The following ADIPOR2 variants were observed in gnomAD, a reference collection of about 807,000 sequenced individuals.
ADIPOR2 encodes adiponectin receptor 2.
ADIPOR2 carries 18 observed loss-of-function variants against 40.9 expected under a neutral mutation model. The observed-to-expected ratio is 0.44, with a 90% CI of 0.30 to 0.65. The LOEUF (loss-of-function observed/expected upper bound fraction) is 0.65. Ranked by LOEUF, ADIPOR2 falls within the 30% of genes least tolerant of loss-of-function variation. The pLI, the probability that ADIPOR2 is intolerant of heterozygous loss-of-function variation, is 0.09. For synonymous variants in ADIPOR2, 165 were observed against 166.4 expected (o/e 0.99, Z 0.06); for missense variants, 283 against 479.2 (o/e 0.59, Z 3.82).
chr12:1,781,681 G>A (rs1012592252), intron 6 of ADIPOR2, among the ~76,000 whole-genome samples: 3 of 152,134 alleles, frequency 2.0e-5, no homozygotes, highest in South Asian at 2.1e-4. Context: ...CATGGAATTA[G>A]CAGAGATGTT....
chr12:1,725,878 A>G (rs996433189), intron 1 of ADIPOR2, among the ~76,000 whole-genome samples: 1 of 152,172 alleles, frequency 6.6e-6, no homozygotes, highest in Non-Finnish European at 1.5e-5. Flanking sequence ...AGAGAATGTG[A>G]TGTTTATTCA....
In ADIPOR2 at chr12:1,716,630, C is replaced by T. The variant is rs529133500; in HGVS notation, c.-87+25439C>T. Among the ~76,000 whole-genome samples the T allele has an allele frequency of 4.6e-5, 7 of 152,324 alleles. No homozygotes were observed. The South Asian group carries it at 6.2e-4, about 14-fold the overall frequency. ...TTGAAACTTTTTTCTTCACACTTCA[C>T]GCTTTCAGCACTTATGTGTGATGCA... On this transcript the variant is annotated intron_variant, in intron 1 of 7. Coordinates refer to ENST00000357103, the MANE Select transcript of ADIPOR2 (RefSeq NM_024551.3).
intron 1 of ADIPOR2, among the ~76,000 whole-genome samples, chr12:1,723,200 A>G (rs926602440): frequency 2.0e-5 from 3 of 152,210 alleles, no homozygotes; most frequent in Admixed American, 6.5e-5. Context: ...AAAGCTATCT[A>G]TGGCATATGA....
chr12:1,702,160 C>T (rs976423530), intron 1 of ADIPOR2, among the ~76,000 whole-genome samples: 5 of 151,994 alleles, frequency 3.3e-5, no homozygotes, highest in African/African-American at 1.2e-4. Context: ...CCACATGTCG[C>T]GACTCCCTAA....
chr12:1,736,708 G>A (rs2094731530), intron 1 of ADIPOR2, among the ~76,000 whole-genome samples: 1 of 152,120 alleles, frequency 6.6e-6, no homozygotes, highest in Non-Finnish European at 1.5e-5. Flanking sequence ...TGATGTTAGG[G>A]TGTCGATTTT....
intron 1 of ADIPOR2, among the ~76,000 whole-genome samples, chr12:1,752,230 CTTTTTTT>C (rs67598229): frequency 1.2e-4 from 9 of 74,864 alleles, no homozygotes; most frequent in African/African-American, 1.7e-4. Flanking sequence ...CTCCTGGCCT[CTTTTTTT>C]TTTTTTTTTT....
intron 1 of ADIPOR2, among the ~76,000 whole-genome samples, chr12:1,735,857 T>C (rs1225204536): frequency 6.6e-6 from 1 of 152,226 alleles, no homozygotes; most frequent in Admixed American, 6.5e-5. Context: ...GATAATCATA[T>C]GGTTTTTGTT....
At chr12:1,755,692 A>C (rs748233806) in intron 2 of ADIPOR2, among the ~76,000 whole-genome samples, 1 of 152,212 alleles carries the variant, frequency 6.6e-6, no homozygotes, top group Non-Finnish European at 1.5e-5. Flanking sequence ...ACATTTTGCT[A>C]TGTGCTTTGG....
chr12:1,783,875 C>T lies in ADIPOR2; in HGVS notation c.839-5C>T, dbSNP rs956076382. On this transcript the variant is annotated splice_region_variant and splice_polypyrimidine_tract_variant and intron_variant, in intron 6 of 7. Transcript: ENST00000357103. ...ATTACTTTACTCTCTTCTTGTGACT[C>T]CTAGGAGTGTTTTTGGGCCTAGGCC... 3 of 1,593,400 alleles carry T rather than the reference C, an allele frequency of 1.9e-6. No homozygotes were observed. In the African/African-American group the frequency reaches 4.0e-5, roughly 21 times the overall value.
At chr12:1,722,741 T>G (rs1565637665) in intron 1 of ADIPOR2, among the ~76,000 whole-genome samples, 1 of 152,198 alleles carries the variant, frequency 6.6e-6, no homozygotes, top group Non-Finnish European at 1.5e-5. Flanking sequence ...TTCTAAAGTT[T>G]AAGATATTTT....
At chr12:1,746,027 A>G (rs1301033897) in intron 1 of ADIPOR2, among the ~76,000 whole-genome samples, 1 of 152,162 alleles carries the variant, frequency 6.6e-6, no homozygotes, top group Non-Finnish European at 1.5e-5. Context: ...TCACTTACCC[A>G]GTTTCCTTCC....
intron 1 of ADIPOR2, among the ~76,000 whole-genome samples, chr12:1,719,186 A>G (rs144506429): frequency 2.5e-4 from 38 of 152,194 alleles, no homozygotes; most frequent in Non-Finnish European, 4.7e-4. Context: ...CTACTCAAAA[A>G]GGTTCTGAGT....
intron 1 of ADIPOR2, among the ~76,000 whole-genome samples, chr12:1,744,884 G>A (rs1485051554): frequency 6.6e-6 from 1 of 152,144 alleles, no homozygotes; most frequent in Non-Finnish European, 1.5e-5. Flanking sequence ...AAGCAATAAT[G>A]CTAGCCATTT....
intron 1 of ADIPOR2, among the ~76,000 whole-genome samples, chr12:1,730,258 A>G (rs1352918633): frequency 1.3e-5 from 2 of 151,798 alleles, no homozygotes; most frequent in African/African-American, 4.8e-5. Context: ...TTAGGGGGAA[A>G]AGTTGTGATT....
At chr12:1,768,711 G>A (rs1862434723) in intron 2 of ADIPOR2, among the ~76,000 whole-genome samples, 1 of 152,086 alleles carries the variant, frequency 6.6e-6, no homozygotes, top group Non-Finnish European at 1.5e-5. Flanking sequence ...AGTGTACTCT[G>A]GAAAATTCTC....
chr12:1,727,838 G>A (rs1466006289), intron 1 of ADIPOR2, among the ~76,000 whole-genome samples: 6 of 150,798 alleles, frequency 4.0e-5, no homozygotes, highest in African/African-American at 7.3e-5. Context: ...GCAGATGCCC[G>A]TGCACACAGG....
chr12:1,743,238 A>AAAAAAAC (rs1555169145), intron 1 of ADIPOR2, among the ~76,000 whole-genome samples: 8 of 131,124 alleles, frequency 6.1e-5, no homozygotes, highest in Admixed American at 3.0e-4. Flanking sequence ...CCAAAAAAAA[A>AAAAAAAC]AAAAAAAACA....
chr12:1,759,297 G>GT (rs779659042), intron 2 of ADIPOR2, among the ~76,000 whole-genome samples: 49 of 152,178 alleles, frequency 3.2e-4, no homozygotes, highest in Admixed American at 6.5e-4. Flanking sequence ...CATTTTCTTT[G>GT]TTTTTTTCCC....
intron 1 of ADIPOR2, among the ~76,000 whole-genome samples, chr12:1,738,317 G>T (rs1269557576): frequency 1.3e-5 from 2 of 151,050 alleles, no homozygotes; most frequent in Non-Finnish European, 2.9e-5. Flanking sequence ...GGAAATTGAG[G>T]CTGCAGTATG....
Sources: gnomAD v4.1 joint callset for allele counts (sites outside exome capture counted in the v4.1 genomes callset) on GRCh38, gnomAD v4.1.1 for gene constraint, MANE v1.5 for transcripts, NCBI Gene and HGNC (gene_info 2026-07-23, HGNC 2026-07-21) for gene names.